DVL1: variants seen among roughly 807,000 people sequenced by gnomAD.
The protein encoded by DVL1 is segment polarity protein dishevelled homolog DVL-1.
A neutral mutation model predicts 65.0 loss-of-function variants in DVL1; 49 were observed. That is an observed-to-expected ratio of 0.75 (90% confidence interval 0.60 to 0.96). The LOEUF is 0.96. DVL1 is among the 40% of genes least tolerant of loss of function. The probability of loss-of-function intolerance (pLI) is 0.00; values close to 1 mark genes in which losing one functional copy is unlikely to be tolerated. For synonymous variants in DVL1, 608 were observed against 433.9 expected (o/e 1.40, Z -4.99); for missense variants, 1,197 against 1,045.4 (o/e 1.15, Z -2.00).
Position 1,342,682 on chromosome 1 carries a change from G to A in DVL1, c.240+7C>T. ...CGAGCCTTCGGGGCCAAGACACAGGGGCTCACCCAGGAGACCACGCGGCCG... is the reference window on the plus strand; with the variant it reads ...CGAGCCTTCGGGGCCAAGACACAGGAGCTCACCCAGGAGACCACGCGGCCG... On this transcript the variant is annotated splice_region_variant and intron_variant, in intron 2 of 14. Coordinates refer to ENST00000378888, the MANE Select transcript of DVL1 (RefSeq NM_001330311.2). 1 of 1,612,770 alleles carries A rather than the reference G, an allele frequency of 6.2e-7. No homozygotes were observed. Among genetic ancestry groups the A allele is most frequent in the Non-Finnish European group, 8.5e-7 (1 of 1,179,646 alleles).
chr1:1,345,502 CGCCTCTGTAGCA>C (rs1431560518), intron 1 of DVL1, among the ~76,000 whole-genome samples: 2 of 152,198 alleles, frequency 1.3e-5, no homozygotes, highest in Non-Finnish European at 2.9e-5. Context: ...GGGGTCCCCG[CGCCTCTGTAGCA>C]GCCTCCGCTG....
At position 1,342,102 on chromosome 1, in the gene DVL1, G is replaced by A. The variant is rs142599773; in HGVS notation, c.417C>T (p.Ser139=). The change falls in exon 4 of 15, where the codon TCC becomes TCT. Residue 139 remains serine, a synonymous_variant. Transcript: ENST00000378888. Reference sequence around the variant, plus strand: ...CACGCTCCCGCCGGTGACTGACCATGGACTCCGTGCCTGTCTCGTTGTCCA... The same window carrying A: ...CACGCTCCCGCCGGTGACTGACCATAGACTCCGTGCCTGTCTCGTTGTCCA... The part of the protein sequence containing the change: ...DGMDNETGTE[S]MVSHRRERAR... 2.3e-5 allele frequency: 37 copies of A among 1,595,810 alleles called. No individual in the cohort carries two copies. The highest frequency in any genetic ancestry group is 3.0e-5 in the Non-Finnish European group (35 of 1,172,522).
chr1:1,348,163 C>T (rs1464513854), intron 1 of DVL1, among the ~76,000 whole-genome samples: 1 of 152,230 alleles, frequency 6.6e-6, no homozygotes, highest in South Asian at 2.1e-4. Flanking sequence ...GACCGCCAGG[C>T]TCCTGCTCCC....
chr1:1,339,541 C>T (rs751797433), intron 10 of DVL1, 41 bp downstream of exon 10: 61 of 1,572,654 alleles, frequency 3.9e-5, no homozygotes, highest in South Asian at 1.3e-4. Flanking sequence ...AGGTAGGCGC[C>T]CCCTCCCCAT....
intron 1 of DVL1, among the ~76,000 whole-genome samples, chr1:1,345,563 T>C (rs1030696621): frequency 1.3e-5 from 2 of 152,144 alleles, no homozygotes; most frequent in Non-Finnish European, 2.9e-5. Context: ...CTGCCGGCAC[T>C]GTGCCCCCAC....
chr1:1,336,535 G>A lies in DVL1; in HGVS notation c.1715-20C>T. Reference sequence around the variant, plus strand: ...TGCTCCCTGGGAGTGAGAACAGGATGGGGAAGGAGCCTGTCAGCACCAGGC... The same window carrying A: ...TGCTCCCTGGGAGTGAGAACAGGATAGGGAAGGAGCCTGTCAGCACCAGGC... On this transcript the variant is annotated intron_variant, in intron 14 of 14. Transcript: ENST00000378888. 3.3e-6 allele frequency: 5 copies of A among 1,492,940 alleles called. No homozygotes were observed. The highest frequency in any genetic ancestry group is 4.4e-6 in the Non-Finnish European group (5 of 1,131,276). 92.5% of individuals were successfully genotyped at this position (1,492,940 alleles called of 1,614,324 possible). A position where few individuals can be genotyped will look rare whatever the true frequency, so the allele number is the denominator to read the frequency against.
rs932191427 is a variant in DVL1 at position 1,339,273 on chromosome 1, G to T, written c.1207+14C>A. On this transcript the variant is annotated intron_variant, in intron 11 of 14. Transcript: ENST00000378888. Reference sequence around the variant, plus strand: ...CCTCGGTTTCTGCTGGGGCCCTCAGGAGCTGCCACTTACGTGGAGCACCAG... The same window carrying T: ...CCTCGGTTTCTGCTGGGGCCCTCAGTAGCTGCCACTTACGTGGAGCACCAG... 1.3e-5 allele frequency: 20 copies of T among 1,548,214 alleles called. No individual in the cohort carries two copies. Among genetic ancestry groups the T allele is most frequent in the Non-Finnish European group, 1.7e-5 (20 of 1,146,850 alleles).
At chr1:1,341,484 CCT>C (rs755187321) in intron 5 of DVL1, among the ~76,000 whole-genome samples, 181 bp downstream of exon 5, 3 of 152,100 alleles carry the variant, frequency 2.0e-5, no homozygotes, top group East Asian at 1.9e-4. Flanking sequence ...AGTGAAAACA[CCT>C]CATGTGGAAC....
Position 1,339,801 on chromosome 1 carries a change from C to G in DVL1, c.921G>C (p.Val307=). ...PGDMLLQVND[V]NFENMSNDDA... is the part of the protein sequence containing the mutation. ...CGTCATTGCTCATGTTCTCAAAGTT[C>G]ACGTCATTCACCTGCAGGGGTGGGG... Residue 307 remains valine (V), a synonymous_variant, in exon 9 of 15, where the codon GTG becomes GTC. Coordinates refer to ENST00000378888, the MANE Select transcript of DVL1 (RefSeq NM_001330311.2). 6.2e-7 allele frequency: 1 copy of G among 1,610,590 alleles called. No individual in the cohort carries two copies. The highest frequency in any genetic ancestry group is 8.5e-7 in the Non-Finnish European group (1 of 1,179,886).
chr1:1,348,611 C>T (rs912134820), intron 1 of DVL1, among the ~76,000 whole-genome samples: 1 of 152,152 alleles, frequency 6.6e-6, no homozygotes, highest in African/African-American at 2.4e-5. Flanking sequence ...CCGGTGGAAG[C>T]GATGCGGCCG....
At chr1:1,338,466 C>T (rs1471422938) in intron 12 of DVL1, 30 bp from the exon 13 acceptor site, 1 of 1,608,856 alleles carries the variant, frequency 6.2e-7, no homozygotes, top group African/African-American at 1.3e-5. Flanking sequence ...AGCCCGCAGC[C>T]TCGAGGCAAG....
chr1:1,346,887 G>A (rs936148623), intron 1 of DVL1, among the ~76,000 whole-genome samples: 13 of 152,198 alleles, frequency 8.5e-5, no homozygotes, highest in African/African-American at 7.2e-5. Flanking sequence ...TTGGCATCCA[G>A]GGTCAGTGTC....
In DVL1 at chr1:1,336,388, G is replaced by A. The variant is rs1643574510; in HGVS notation, c.1842C>T (p.Ser614=). The change falls in exon 15 of 15, where the codon AGC becomes AGT. Residue 614 remains serine (S), a synonymous_variant. Coordinates refer to ENST00000378888, the MANE Select transcript of DVL1 (RefSeq NM_001330311.2). ...SDHTAPSGVG[S]SWRERPAGQL... is the part of the protein sequence containing the mutation. The stretch of plus-strand genomic sequence containing the variant: ...GGCCGGCCGGACGCTCTCGCCAGCT[G>A]CTCCCCACCCCACTCGGTGCCGTGT... 3.8e-6 allele frequency: 6 copies of A among 1,599,014 alleles called. No homozygotes were observed. The highest frequency in any genetic ancestry group is 1.3e-5 in the African/African-American group (1 of 74,866).
rs1260242744 is a variant in DVL1 at position 1,337,993 on chromosome 1, C to G, written c.1698G>C (p.Gly566=). The G allele has an allele frequency of 3.7e-6, 6 of 1,611,488 alleles. No homozygotes were observed. Among genetic ancestry groups the G allele is most frequent in the South Asian group, 2.2e-5 (2 of 90,988 alleles). The change falls in exon 14 of 15, where the codon GGG becomes GGC. Residue 566 remains glycine, a synonymous_variant. Transcript: ENST00000378888. The stretch of plus-strand genomic sequence containing the variant: ...CGTTCTCACCTTCACTCTGCTGACT[C>G]CCGGTGCTGCCGCTGCCATAGCTAA... ...PGFSYGSGST[G]SQQSEGSKSS...
chr1:1,338,696 G>C (rs1643677563), intron 11 of DVL1, 43 bp from the exon 12 acceptor site: 2 of 1,590,892 alleles, frequency 1.3e-6, no homozygotes, highest in Non-Finnish European at 8.5e-7. Flanking sequence ...AGCATCTGAA[G>C]GCGGGGGACT....
At chr1:1,338,813 T>C in intron 11 of DVL1, 160 bp from the exon 12 acceptor site, 2 of 764,674 alleles carry the variant, frequency 2.6e-6, no homozygotes, top group Non-Finnish European at 3.2e-6. Context: ...TGCACCCCCG[T>C]GAGGCTGGGG....
In DVL1 at chr1:1,349,210, G is replaced by A. The variant is rs1643977542; in HGVS notation, c.-145C>T. 3 of 352,432 alleles carry A rather than the reference G, an allele frequency of 8.5e-6. No homozygotes were observed. Among genetic ancestry groups the A allele is most frequent in the Admixed American group, 6.8e-5 (1 of 14,774 alleles). The allele number at this position is 352,432 out of a possible 1,614,324, so 21.8% of individuals were successfully genotyped here. A position where few individuals can be genotyped will look rare whatever the true frequency, so the allele number is the denominator to read the frequency against. On this transcript the variant is annotated 5_prime_UTR_variant, in exon 1 of 15. Transcript: ENST00000378888. This position sits in a 1 kb window ranked among gnomAD's most constrained non-coding sequence, Gnocchi z 4.1. ...CCGAGGCCCCCGGGCGCCCCCGCCCGACCGCCCAGGCCCCGGCCGCCGCCC... is the reference window on the plus strand; with the variant it reads ...CCGAGGCCCCCGGGCGCCCCCGCCCAACCGCCCAGGCCCCGGCCGCCGCCC...
intron 1 of DVL1, among the ~76,000 whole-genome samples, chr1:1,345,500 C>T (rs1042628606): frequency 2.6e-5 from 4 of 152,182 alleles, no homozygotes; most frequent in African/African-American, 9.7e-5. Flanking sequence ...CCGGGGTCCC[C>T]GCGCCTCTGT....
intron 3 of DVL1, 99 bp from the exon 4 acceptor site, chr1:1,342,255 CA>C (rs1217422977): frequency 4.0e-6 from 6 of 1,495,406 alleles, no homozygotes; most frequent in Non-Finnish European, 4.5e-6. Flanking sequence ...CCAGCCCCAG[CA>C]GGTGCCACGC....
Sources: allele counts gnomAD v4.1 joint callset (sites outside exome capture counted in the v4.1 genomes callset), GRCh38; gene constraint gnomAD v4.1.1; non-coding constraint Gnocchi (gnomAD v3.1); transcripts MANE v1.5; gene names NCBI Gene and HGNC (gene_info 2026-07-23, HGNC 2026-07-21).